Variants in CCDC85C observed in about 807,000 individuals in gnomAD.
CCDC85C encodes the protein coiled-coil domain containing 85C, also known as coiled-coil domain-containing protein 85C.
A neutral mutation model predicts 38.3 loss-of-function variants in CCDC85C; 18 were observed. The ratio of observed to expected loss-of-function variants is 0.47; its 90% CI spans 0.33 to 0.70. The LOEUF is 0.70. Among genes scored for constraint, CCDC85C ranks in the 30% least tolerant of loss-of-function variants. CCDC85C has a pLI of 0.03. For synonymous variants in CCDC85C, 264 were observed against 293.8 expected, an observed-to-expected ratio of 0.90 and a Z score of 1.04; for missense variants, 566 against 621.2, an observed-to-expected ratio of 0.91 and a Z score of 0.94.
intron 1 of CCDC85C, among the ~76,000 whole-genome samples, chr14:99,538,232 C>T (rs1897643754): frequency 1.3e-5 from 2 of 151,874 alleles, no homozygotes; most frequent in Non-Finnish European, 2.9e-5. Context: ...AGCCTTCCAG[C>T]CCCTCTCCCC....
chr14:99,580,469 G>A (rs555618680), intron 1 of CCDC85C, among the ~76,000 whole-genome samples: 1 of 148,438 alleles, frequency 6.7e-6, no homozygotes, highest in Non-Finnish European at 1.5e-5. Context: ...TCCCCAGTGA[G>A]GGGAGGGGGG....
intron 1 of CCDC85C, among the ~76,000 whole-genome samples, chr14:99,575,585 A>G (rs975356519): frequency 1.3e-5 from 2 of 152,236 alleles, no homozygotes; most frequent in Admixed American, 1.3e-4. Flanking sequence ...TTAAATGGAC[A>G]ACAGGGTGGC....
intron 1 of CCDC85C, among the ~76,000 whole-genome samples, chr14:99,553,408 A>G (rs928349774): frequency 4.6e-5 from 7 of 152,064 alleles, no homozygotes; most frequent in African/African-American, 1.7e-4. Context: ...TTTGTCGCCC[A>G]GGCTGGAATG....
intron 1 of CCDC85C, among the ~76,000 whole-genome samples, chr14:99,546,056 ATGG>A (rs910510748): frequency 1.4e-5 from 2 of 141,646 alleles, no homozygotes; most frequent in East Asian, 2.0e-4. Context: ...TGAAGTCTGC[ATGG>A]GGGGGGGGAA....
chr14:99,564,198 C>T (rs8016105), intron 1 of CCDC85C, among the ~76,000 whole-genome samples: 80,167 of 151,806 alleles, frequency 0.53, 21,394 homozygotes, highest in African/African-American at 0.61. Context: ...GTTTGTTCTG[C>T]GCAGTGAAGG....
intron 1 of CCDC85C, among the ~76,000 whole-genome samples, chr14:99,542,063 A>G (rs941546): frequency 0.39 from 59,789 of 152,138 alleles, 12,653 homozygotes; most frequent in African/African-American, 0.54. Flanking sequence ...TCCAAGCCGC[A>G]GGCCTCCATC....
chr14:99,595,911 C>T (rs992030785), intron 1 of CCDC85C, among the ~76,000 whole-genome samples: 2 of 152,236 alleles, frequency 1.3e-5, no homozygotes, highest in Non-Finnish European at 2.9e-5. Flanking sequence ...GCCAGGCACA[C>T]GTTTGTTCCA....
In CCDC85C at chr14:99,536,096, G is replaced by C. The variant is rs1289141617; in HGVS notation, c.794-8C>G. Reference sequence around the variant, plus strand: ...TGTAGGTGGATGAGGGATCTGGAAGGACACAAGAGGAAGGGGGACATTAGC... The same window carrying C: ...TGTAGGTGGATGAGGGATCTGGAAGCACACAAGAGGAAGGGGGACATTAGC... On this transcript the variant is annotated splice_region_variant and splice_polypyrimidine_tract_variant and intron_variant, in intron 1 of 5. Coordinates refer to ENST00000380243, the MANE Select transcript of CCDC85C (RefSeq NM_001144995.2). The C allele has an allele frequency of 2.6e-6, 4 of 1,544,104 alleles. No individual in the cohort carries two copies. The highest frequency in any genetic ancestry group is 3.5e-6 in the Non-Finnish European group (4 of 1,140,314).
chr14:99,523,740 G>A (rs962247413), intron 2 of CCDC85C, among the ~76,000 whole-genome samples: 1 of 152,008 alleles, frequency 6.6e-6, no homozygotes, highest in Non-Finnish European at 1.5e-5. Context: ...CCCCCAAAGT[G>A]TGATGGGTTT....
rs868561000 is a variant in CCDC85C, at chr14:99,503,198, C to T, written c.*12048G>A. The T allele has an allele frequency of 2.1e-5, 15 of 701,516 alleles. No homozygotes were observed. The highest frequency in any genetic ancestry group is 6.1e-5 in the South Asian group (4 of 65,674). The allele number at this position is 701,516 out of a possible 1,614,324, so 43.5% of individuals were successfully genotyped here. On this transcript the variant is annotated 3_prime_UTR_variant, in exon 6 of 6. Transcript: ENST00000380243. ...GAGAACCAGGAGGGGGCTCTCTGCC[C>T]GGCTCCAGCCCTGCTGCCTGTTTCA...
At chr14:99,519,099 C>CTTTTTTTTTTTTTTTTTTTTT (rs59524541) in intron 3 of CCDC85C, among the ~76,000 whole-genome samples, 2 of 52,174 alleles carry the variant, frequency 3.8e-5, no homozygotes, top group African/African-American at 1.7e-4. Flanking sequence ...TCATACATGC[C>CTTTTTTTTTTTTTTTTTTTTT]TTTTTTTTTT....
In CCDC85C at chr14:99,597,407, G is replaced by A. The variant is rs528333068; in HGVS notation, c.793+5760C>T. Among the ~76,000 whole-genome samples, 193 of 152,262 alleles carry A rather than the reference G, an allele frequency of 1.3e-3. 2 individuals carry two copies. The highest frequency in any genetic ancestry group is 7.1e-3 in the South Asian group (34 of 4,822). On this transcript the variant is annotated intron_variant, in intron 1 of 5. Transcript: ENST00000380243. ...TCCCTTCCCAGTTGTAATGTGGGGCGTGTCTTAGAACCCACATCTCAACCA... is the reference window on the plus strand; with the variant it reads ...TCCCTTCCCAGTTGTAATGTGGGGCATGTCTTAGAACCCACATCTCAACCA...
Position 99,516,371 on chromosome 14 carries a change from C to T in CCDC85C, c.1072-85G>A. 2 of 1,022,468 alleles carry T rather than the reference C, an allele frequency of 2.0e-6. No individual in the cohort carries two copies. Among genetic ancestry groups the T allele is most frequent in the Admixed American group, 2.0e-5 (1 of 49,228 alleles). 63.3% of individuals were successfully genotyped at this position (1,022,468 alleles called of 1,614,324 possible). The stretch of plus-strand genomic sequence containing the variant: ...ACCTGGCCCCTGATCCTCAGCCTCC[C>T]CTGCTGCGAACCAAAGCTGAGGACC... On this transcript the variant is annotated intron_variant, in intron 4 of 5. Transcript: ENST00000380243. The surrounding 1 kb of genome is among the most constrained non-coding windows in gnomAD (Gnocchi z 5.5).
rs563243492 is a variant in CCDC85C at position 99,588,244 on chromosome 14, G to A, written c.793+14923C>T. Among the ~76,000 whole-genome samples the A allele has an allele frequency of 2.0e-4, 30 of 152,172 alleles. No homozygotes were observed. The highest frequency in any genetic ancestry group is 7.2e-4 in the African/African-American group (30 of 41,534). The stretch of plus-strand genomic sequence containing the variant: ...GGAATGCCGAGTCCAACCTGCTTGG[G>A]ATGCAGCTGGCATGGTGGTACACCA... On this transcript the variant is annotated intron_variant, in intron 1 of 5. Coordinates refer to ENST00000380243, the MANE Select transcript of CCDC85C (RefSeq NM_001144995.2). The surrounding 1 kb of genome is among the most constrained non-coding windows in gnomAD (Gnocchi z 5.0).
Position 99,588,642 on chromosome 14 carries a change from C to G in CCDC85C, c.793+14525G>C, listed in dbSNP as rs2055052080. Among the ~76,000 whole-genome samples the G allele has an allele frequency of 2.0e-5, 3 of 152,102 alleles. No homozygotes were observed. The highest frequency in any genetic ancestry group is 2.0e-4 in the Admixed American group (3 of 15,266). ...GGCACAGGTGGTGGCAAAGGGTCCC[C>G]TGGCTGCCCTTTCTGGTCTGGGGTC... is the stretch of plus-strand genomic sequence containing the variant. On this transcript the variant is annotated intron_variant, in intron 1 of 5. Coordinates refer to ENST00000380243, the MANE Select transcript of CCDC85C (RefSeq NM_001144995.2). This position sits in a 1 kb window ranked among gnomAD's most constrained non-coding sequence, Gnocchi z 5.0.
rs1472191241 is a variant in CCDC85C, at chr14:99,603,769, A to T, written c.191T>A (p.Leu64Gln). The T allele has an allele frequency of 6.6e-7, 1 of 1,525,394 alleles. No individual in the cohort carries two copies. Among genetic ancestry groups the T allele is most frequent in the Non-Finnish European group, 8.8e-7 (1 of 1,142,290 alleles). The allele number at this position is 1,525,394 out of a possible 1,614,324, so 94.5% of individuals were successfully genotyped here. A position where few individuals can be genotyped will look rare whatever the true frequency, so the allele number is the denominator to read the frequency against. Residue 64 changes from leucine (L) to glutamine (Q), a missense_variant, in exon 1 of 6, where the codon CTG (leucine) becomes CAG (glutamine). By Grantham distance (113) the Leu-to-Gln change is moderately radical. Around this residue, in one of 3 missense-constraint regions of CCDC85C, gnomAD observed 269 missense variants for 308.2 expected, o/e 0.87. Coordinates refer to ENST00000380243, the MANE Select transcript of CCDC85C (RefSeq NM_001144995.2). This position sits in a 1 kb window ranked among gnomAD's most constrained non-coding sequence, Gnocchi z 7.5. ...GTCCTTGAGGCCGCGGATCTCCAGCAGGTGCTGCTGCAGCCGCCGGTTCAC... is the reference window on the plus strand; with the variant it reads ...GTCCTTGAGGCCGCGGATCTCCAGCTGGTGCTGCTGCAGCCGCCGGTTCAC... ...RDVNRRLQQH[L>Q]LEIRGLKDVN...
intron 1 of CCDC85C, among the ~76,000 whole-genome samples, chr14:99,562,279 C>T (rs1898132430): frequency 6.6e-6 from 1 of 152,184 alleles, no homozygotes; most frequent in African/African-American, 2.4e-5. Context: ...CTCTGCCCAT[C>T]ACCTTGGCTC....
intron 2 of CCDC85C, among the ~76,000 whole-genome samples, chr14:99,529,049 C>A (rs1376118492): frequency 2.6e-5 from 4 of 152,188 alleles, no homozygotes; most frequent in Non-Finnish European, 2.9e-5. Flanking sequence ...GGGGCTGCCG[C>A]TTCAGCTGGG....
chr14:99,506,078 GT>G lies in CCDC85C; in HGVS notation c.*9167del. On this transcript the variant is annotated 3_prime_UTR_variant, in exon 6 of 6. Transcript: ENST00000380243. ...TTGGTGGGTCTAGGGATGGGCCATGGTTTTGGTGGCAAGATGGACGCTAGAA... is the reference window on the plus strand; with the variant it reads ...TTGGTGGGTCTAGGGATGGGCCATGGTTTGGTGGCAAGATGGACGCTAGAA... 6.6e-6 allele frequency: 1 copy of G among 152,626 alleles called. No individual in the cohort carries two copies. The highest frequency in any genetic ancestry group is 1.5e-5 in the Non-Finnish European group (1 of 68,230). The allele number at this position is 152,626 out of a possible 1,614,324, so 9.5% of individuals were successfully genotyped here.
Sources: allele counts gnomAD v4.1 joint callset (sites outside exome capture counted in the v4.1 genomes callset), GRCh38; gene constraint gnomAD v4.1.1; regional missense constraint gnomAD v4.1.1; non-coding constraint Gnocchi (gnomAD v3.1); transcripts MANE v1.5; gene names NCBI Gene and HGNC (gene_info 2026-07-23, HGNC 2026-07-21).